Variants in RTN1 observed in about 807,000 individuals in gnomAD.
RTN1 encodes the protein reticulon-1.
A neutral mutation model predicts 65.5 loss-of-function variants in RTN1; 25 were observed. The observed-to-expected ratio is 0.38, with a 90% confidence interval of 0.28 to 0.53. The LOEUF is 0.53. Ranked by LOEUF, RTN1 falls within the 20% of genes least tolerant of loss-of-function variation. RTN1 has a pLI of 0.79. For synonymous variants in RTN1, 471 were observed against 447.6 expected, an observed-to-expected ratio of 1.05 and a Z score of -0.66; for missense variants, 983 against 1,025.4, an observed-to-expected ratio of 0.96 and a Z score of 0.57.
chr14:59,828,460 G>T (rs1275567080), intron 1 of RTN1, among the ~76,000 whole-genome samples: 1 of 152,200 alleles, frequency 6.6e-6, no homozygotes, highest in Non-Finnish European at 1.5e-5. Context: ...ATGCTGGCTA[G>T]AGTACAGAGG....
In RTN1 at chr14:59,754,859, G is replaced by A. The variant is rs1327381268; in HGVS notation, c.242-8378C>T. ...CTCTGGGGTCCACCTTAGATGCTAA[G>A]TCCCCAGAGTCCAAGGCCATGCTGT... On this transcript the variant is annotated intron_variant, in intron 1 of 8. Coordinates refer to ENST00000267484, the MANE Select transcript of RTN1 (RefSeq NM_021136.3). 2.6e-5 allele frequency among the ~76,000 whole-genome samples: 4 copies of A among 152,016 alleles called. No homozygotes were observed. In the East Asian group the frequency reaches 7.7e-4, roughly 29 times the overall value.
At chr14:59,692,093 A>G (rs1406613519) in intron 3 of RTN1, among the ~76,000 whole-genome samples, 1 of 152,184 alleles carries the variant, frequency 6.6e-6, no homozygotes, top group South Asian at 2.1e-4. Context: ...GCAAACAGAC[A>G]AAAGAAAGAA....
intron 6 of RTN1, chr14:59,603,641 A>T: frequency 2.9e-6 from 1 of 344,488 alleles, no homozygotes; most frequent in Non-Finnish European, 5.2e-6. Context: ...GAAGAAAAAA[A>T]ACCCTTTAGA....
intron 1 of RTN1, among the ~76,000 whole-genome samples, chr14:59,828,831 T>C (rs1887077833): frequency 1.3e-5 from 2 of 152,154 alleles, no homozygotes; most frequent in African/African-American, 4.8e-5. Flanking sequence ...ACTCAAAAGA[T>C]ACATATACTC....
chr14:59,630,689 G>A (rs1015791475), intron 3 of RTN1: 2 of 1,171,424 alleles, frequency 1.7e-6, no homozygotes, highest in Non-Finnish European at 2.1e-6. Context: ...CTGCGCGGCC[G>A]GCAGCGAATC....
At chr14:59,720,300 T>C (rs1884621016) in intron 3 of RTN1, among the ~76,000 whole-genome samples, 1 of 151,988 alleles carries the variant, frequency 6.6e-6, no homozygotes, top group African/African-American at 2.4e-5. Context: ...GCTAACTCTG[T>C]GACAGCTTCA....
chr14:59,740,045 G>A (rs1040054355), intron 2 of RTN1, among the ~76,000 whole-genome samples: 4 of 152,274 alleles, frequency 2.6e-5, no homozygotes, highest in Admixed American at 1.3e-4. Context: ...GCACAACTGG[G>A]AGCCCCTAGG....
In RTN1 at chr14:59,717,191, G is replaced by A. The variant is rs908513130; in HGVS notation, c.1765+9728C>T. ...AACAAGAGTGAATTTGGAAGTGAAA[G>A]AATTAGGTTTTGGGGCACATACTCT... On this transcript the variant is annotated intron_variant, in intron 3 of 8. Coordinates refer to ENST00000267484, the MANE Select transcript of RTN1 (RefSeq NM_021136.3). Among the ~76,000 whole-genome samples the A allele has an allele frequency of 3.9e-5, 6 of 152,132 alleles. No individual in the cohort carries two copies. The East Asian group carries it at 1.2e-3, about 29-fold the overall frequency.
At chr14:59,649,254 A>T (rs1882973003) in intron 3 of RTN1, among the ~76,000 whole-genome samples, 1 of 152,222 alleles carries the variant, frequency 6.6e-6, no homozygotes, top group Admixed American at 6.5e-5. Context: ...TACAAAAGTT[A>T]ACTCAAGATG....
At chr14:59,685,304 A>C (rs1883824518) in intron 3 of RTN1, among the ~76,000 whole-genome samples, 1 of 152,174 alleles carries the variant, frequency 6.6e-6, no homozygotes, top group African/African-American at 2.4e-5. Flanking sequence ...ACAGTACTAG[A>C]AGTTTGAGCC....
chr14:59,697,138 C>G (rs1884080162), intron 3 of RTN1, among the ~76,000 whole-genome samples: 6 of 152,078 alleles, frequency 3.9e-5, no homozygotes, highest in Admixed American at 3.9e-4. Context: ...GAATGGCAAT[C>G]AGACTCTTTT....
rs558746545 is a variant in RTN1 at position 59,825,666 on chromosome 14, G to A, written c.241+44724C>T. Among the ~76,000 whole-genome samples the A allele has an allele frequency of 3.3e-5, 5 of 152,302 alleles. No individual in the cohort carries two copies. The highest frequency in any genetic ancestry group is 7.4e-5 in the Non-Finnish European group (5 of 68,022). The stretch of plus-strand genomic sequence containing the variant: ...AAACCACGGAGTCCACACAAAGCAC[G>A]GTGGCCAAGGAATAGTGTTACTGTG... On this transcript the variant is annotated intron_variant, in intron 1 of 8. Coordinates refer to ENST00000267484, the MANE Select transcript of RTN1 (RefSeq NM_021136.3). The surrounding 1 kb of genome is among the most constrained non-coding windows in gnomAD (Gnocchi z 4.2).
At chr14:59,705,877 A>AGGG (rs1884281016) in intron 3 of RTN1, among the ~76,000 whole-genome samples, 2 of 152,150 alleles carry the variant, frequency 1.3e-5, no homozygotes, top group African/African-American at 4.8e-5. Flanking sequence ...GAGTGCTTTG[A>AGGG]ACAAAGGAGG....
At chr14:59,668,439 T>C (rs559989184) in intron 3 of RTN1, among the ~76,000 whole-genome samples, 1 of 152,276 alleles carries the variant, frequency 6.6e-6, no homozygotes, top group African/African-American at 2.4e-5. Flanking sequence ...TTACACCTTA[T>C]ACAAAAATTA....
At chr14:59,668,970 G>C (rs1463697105) in intron 3 of RTN1, among the ~76,000 whole-genome samples, 3 of 151,992 alleles carry the variant, frequency 2.0e-5, no homozygotes, top group African/African-American at 7.3e-5. Flanking sequence ...TGCTGGAGAG[G>C]ATGTGGAGTA....
intron 3 of RTN1, among the ~76,000 whole-genome samples, chr14:59,673,726 G>T (rs1883561161): frequency 6.6e-6 from 1 of 152,138 alleles, no homozygotes; most frequent in Non-Finnish European, 1.5e-5. Flanking sequence ...GATGGGCACA[G>T]AGGTCCTCGC....
intron 3 of RTN1, among the ~76,000 whole-genome samples, chr14:59,686,616 G>C (rs1883851383): frequency 6.6e-6 from 1 of 152,154 alleles, no homozygotes; most frequent in Non-Finnish European, 1.5e-5. Flanking sequence ...GGAAAACGTG[G>C]GCAAACAGCC....
intron 1 of RTN1, among the ~76,000 whole-genome samples, chr14:59,839,822 T>G (rs1887279155): frequency 6.6e-6 from 1 of 152,128 alleles, no homozygotes; most frequent in Admixed American, 6.6e-5. Flanking sequence ...GACAATGAAT[T>G]TCCTTTGTAG....
chr14:59,655,888 A>G (rs1883113514), intron 3 of RTN1, among the ~76,000 whole-genome samples: 1 of 152,250 alleles, frequency 6.6e-6, no homozygotes, highest in South Asian at 2.1e-4. Context: ...AAATTCTTCA[A>G]AGAAAACAAA....
Sources: gnomAD v4.1 joint callset for allele counts (sites outside exome capture counted in the v4.1 genomes callset) on GRCh38, gnomAD v4.1.1 for gene constraint, Gnocchi (gnomAD v3.1) non-coding constraint, MANE v1.5 for transcripts, NCBI Gene and HGNC (gene_info 2026-07-23, HGNC 2026-07-21) for gene names.